PHF19: variants seen among roughly 807,000 people sequenced by gnomAD.
PHF19 encodes PHD finger protein 19, also known as polycomb like 3.
PHF19 carries 21 observed loss-of-function variants against 79.8 expected under a neutral mutation model. The observed-to-expected ratio is 0.26, with a 90% confidence interval of 0.19 to 0.38. The LOEUF (loss-of-function observed/expected upper bound fraction) is 0.38. Ranked by LOEUF, PHF19 falls within the 10% of genes least tolerant of loss-of-function variation. The pLI, the probability that PHF19 is intolerant of heterozygous loss-of-function variation, is 1.00. For missense variants in PHF19, 445 were observed against 744.2 expected (o/e 0.60, Z 4.68); for synonymous variants, 273 against 296.3 (o/e 0.92, Z 0.81).
chr9:120,876,984 C>G (rs1045981077), intron 1 of PHF19, 107 bp downstream of exon 1: 9 of 958,530 alleles, frequency 9.4e-6, no homozygotes, highest in Non-Finnish European at 1.1e-5. Flanking sequence ...GTCTCACCCC[C>G]CGGAGGCGTT....
chr9:120,874,776 GTT>G lies in PHF19; in HGVS notation c.-15-22_-15-21del, dbSNP rs1026569907. On this transcript the variant is annotated intron_variant, in intron 1 of 14. Coordinates refer to ENST00000373896, the MANE Select transcript of PHF19 (RefSeq NM_015651.3). The surrounding 1 kb of genome is among the most constrained non-coding windows in gnomAD (Gnocchi z 4.5). Reference sequence around the variant, plus strand: ...CTGACACTGGGAGAGAAAGAACAGGGTTTTTGCTTCTTGCTTCCCTGCTTCAG... The same window carrying G: ...CTGACACTGGGAGAGAAAGAACAGGGTTTGCTTCTTGCTTCCCTGCTTCAG... 5 of 1,558,814 alleles carry G rather than the reference GTT, an allele frequency of 3.2e-6. No individual in the cohort carries two copies. Among genetic ancestry groups the G allele is most frequent in the African/African-American group, 1.4e-5 (1 of 73,518 alleles).
chr9:120,876,945 C>A (rs1278087575), intron 1 of PHF19, 146 bp downstream of exon 1: 1 of 983,518 alleles, frequency 1.0e-6, no homozygotes, highest in Non-Finnish European at 1.2e-6. Context: ...ACCCCCGGTC[C>A]CCACCCCCGA....
intron 1 of PHF19, among the ~76,000 whole-genome samples, chr9:120,887,083 G>GAAAA (rs1375879143): frequency 6.0e-5 from 9 of 150,258 alleles, no homozygotes; most frequent in Admixed American, 6.0e-4. Context: ...AAAAAGAAAA[G>GAAAA]AAAAGAAAAG....
At position 120,858,222 on chromosome 9, in the gene PHF19, G is replaced by A. The variant is rs148803149; in HGVS notation, c.1465C>T (p.Arg489Trp). 55 of 1,576,376 alleles carry A rather than the reference G, an allele frequency of 3.5e-5. No homozygotes were observed. Among genetic ancestry groups the A allele is most frequent in the East Asian group, 1.8e-4 (8 of 44,150 alleles). ...CGTCCATCCAGCTCAGCTGCCCACC[G>A]CTTTGCCCGCAGGGGCATGTATGCC... ...AKAYMPLRAKRWAAELDGRCP... is the reference protein window; with the variant it reads ...AKAYMPLRAKWWAAELDGRCP... The change falls in exon 15 of 15, where the codon CGG becomes TGG. Residue 489 changes from arginine to tryptophan, a missense_variant. Physicochemically the swap from Arg to Trp is moderately radical, Grantham distance 101 (BLOSUM62 -3). This residue lies in a region of PHF19 where 125 missense variants were observed against 180.5 expected (regional missense o/e 0.69). Coordinates refer to ENST00000373896, the MANE Select transcript of PHF19 (RefSeq NM_015651.3).
In PHF19 at chr9:120,866,648, T is replaced by C. The variant is rs2045710531; in HGVS notation, c.710+222A>G. Among the ~76,000 whole-genome samples the C allele has an allele frequency of 6.6e-6, 1 of 152,178 alleles. No individual in the cohort carries two copies. On this transcript the variant is annotated intron_variant, in intron 7 of 14. Coordinates refer to ENST00000373896, the MANE Select transcript of PHF19 (RefSeq NM_015651.3). This position sits in a 1 kb window ranked among gnomAD's most constrained non-coding sequence, Gnocchi z 5.2. ...TTATCTAAGGTACTCCAGAAATCAA[T>C]GGCAACTAGGGATGTGGCCCAGCAT... is the stretch of plus-strand genomic sequence containing the variant.
intron 3 of PHF19, among the ~76,000 whole-genome samples, chr9:120,873,640 A>T (rs768994725): frequency 5.3e-5 from 8 of 152,220 alleles, no homozygotes; most frequent in Non-Finnish European, 1.2e-4. Context: ...GCCCAGACTG[A>T]CGCAGAGCTT....
rs2045562506 is a variant in PHF19, at chr9:120,862,509, G to C, written c.1130+79C>G. On this transcript the variant is annotated intron_variant, in intron 11 of 14. Coordinates refer to ENST00000373896, the MANE Select transcript of PHF19 (RefSeq NM_015651.3). This position sits in a 1 kb window ranked among gnomAD's most constrained non-coding sequence, Gnocchi z 4.6. Reference sequence around the variant, plus strand: ...GTCCTACAGCTGGGACTGGCTGGGTGCAGGTCCTCCTTGCTTGCTTGGAAG... The same window carrying C: ...GTCCTACAGCTGGGACTGGCTGGGTCCAGGTCCTCCTTGCTTGCTTGGAAG... 7.8e-7 allele frequency: 1 copy of C among 1,289,440 alleles called. No homozygotes were observed. The allele number at this position is 1,289,440 out of a possible 1,614,324, so 79.9% of individuals were successfully genotyped here.
At chr9:120,864,234 A>C (rs1212484216) in intron 9 of PHF19, 118 bp from the exon 10 acceptor site, 3 of 785,164 alleles carry the variant, frequency 3.8e-6, no homozygotes, top group East Asian at 5.4e-5. Flanking sequence ...GGTGAGGACC[A>C]CTGACTCACT....
chr9:120,874,762 A>G lies in PHF19; in HGVS notation c.-15-6T>C. 2 of 1,601,224 alleles carry G rather than the reference A, an allele frequency of 1.2e-6. No homozygotes were observed. Among genetic ancestry groups the G allele is most frequent in the South Asian group, 2.2e-5 (2 of 90,444 alleles). ...TCCATCAGCTTCCCCTGACACTGGGAGAGAAAGAACAGGGTTTTTGCTTCT... is the reference window on the plus strand; with the variant it reads ...TCCATCAGCTTCCCCTGACACTGGGGGAGAAAGAACAGGGTTTTTGCTTCT... On this transcript the variant is annotated splice_polypyrimidine_tract_variant and splice_region_variant and intron_variant, in intron 1 of 14. Coordinates refer to ENST00000373896, the MANE Select transcript of PHF19 (RefSeq NM_015651.3). This position sits in a 1 kb window ranked among gnomAD's most constrained non-coding sequence, Gnocchi z 4.5.
At chr9:120,900,009 CAG>C in the PHF19 span, among the ~76,000 whole-genome samples, 1 of 152,082 alleles carries the variant, frequency 6.6e-6, no homozygotes, top group Non-Finnish European at 1.5e-5. Context: ...TTTTTTGAGA[CAG>C]AGTCTTGCTC....
At chr9:120,882,895 A>T (rs149967634) in intron 1 of PHF19, among the ~76,000 whole-genome samples, 2 of 152,004 alleles carry the variant, frequency 1.3e-5, no homozygotes, top group Admixed American at 1.3e-4. Flanking sequence ...GGCTTTTCAC[A>T]AATATGAATA....
Position 120,891,070 on chromosome 9 carries a change from G to A in PHF19, c.42+3718C>T, listed in dbSNP as rs2046336476. ...GATTTTCCTTCCCCTTCGTCATGTGGCTGGATGGTCCTTATTCCCAAAACT... is the reference window on the plus strand; with the variant it reads ...GATTTTCCTTCCCCTTCGTCATGTGACTGGATGGTCCTTATTCCCAAAACT... On this transcript the variant is annotated intron_variant, in intron 1 of 14. Transcript: ENST00000616568. This position sits in a 1 kb window ranked among gnomAD's most constrained non-coding sequence, Gnocchi z 4.3. 6.6e-6 allele frequency among the ~76,000 whole-genome samples: 1 copy of A among 152,118 alleles called. No homozygotes were observed. Among genetic ancestry groups the A allele is most frequent in the Admixed American group, 6.5e-5 (1 of 15,276 alleles).
chr9:120,893,888 G>A (rs2131602193), intron 1 of PHF19, among the ~76,000 whole-genome samples: 1 of 152,294 alleles, frequency 6.6e-6, no homozygotes, highest in East Asian at 1.9e-4. Flanking sequence ...TGTTGCATAG[G>A]GCAGTGGTTC....
intron 13 of PHF19, 45 bp downstream of exon 13, chr9:120,861,044 C>T: frequency 9.0e-7 from 1 of 1,109,678 alleles, no homozygotes; most frequent in Non-Finnish European, 1.4e-6. Flanking sequence ...TTGGTTCCCT[C>T]CCTGTCTCCA....
chr9:120,862,969 A>C lies in PHF19; in HGVS notation c.969-220T>G. 1.8e-6 allele frequency: 1 copy of C among 556,908 alleles called. No individual in the cohort carries two copies. Among genetic ancestry groups the C allele is most frequent in the Non-Finnish European group, 3.2e-6 (1 of 309,484 alleles). The allele number at this position is 556,908 out of a possible 1,614,324, so 34.5% of individuals were successfully genotyped here. ...GCCTCCTCCCTGTGCTTCCTCCTGC[A>C]TGAGTGTGGTTCTTGCTGCTCTTCT... On this transcript the variant is annotated intron_variant, in intron 10 of 14. Transcript: ENST00000373896. This position sits in a 1 kb window ranked among gnomAD's most constrained non-coding sequence, Gnocchi z 4.6.
upstream of PHF19, among the ~76,000 whole-genome samples, chr9:120,880,540 C>T (rs955807733): frequency 6.6e-6 from 1 of 152,052 alleles, no homozygotes; most frequent in Non-Finnish European, 1.5e-5. Context: ...TGTAGTCATA[C>T]AATGGAATAA....
chr9:120,879,624 C>T (rs1024929183), upstream of PHF19, among the ~76,000 whole-genome samples: 3 of 152,156 alleles, frequency 2.0e-5, no homozygotes, highest in Non-Finnish European at 2.9e-5. Flanking sequence ...GAAGTTAAAA[C>T]ACTACAGAAC....
upstream of PHF19, among the ~76,000 whole-genome samples, chr9:120,898,896 T>G (rs1350100968): frequency 2.0e-5 from 3 of 152,172 alleles, no homozygotes; most frequent in African/African-American, 7.2e-5. Context: ...ACTCCATGAT[T>G]GTTTAAGATT....
chr9:120,864,498 C>A (rs566231289), intron 9 of PHF19, among the ~76,000 whole-genome samples: 36 of 152,108 alleles, frequency 2.4e-4, no homozygotes, highest in African/African-American at 8.4e-4. Flanking sequence ...AACTGCCCAA[C>A]AGGAAGGAAA....
Sources: gnomAD v4.1 joint callset for allele counts (sites outside exome capture counted in the v4.1 genomes callset) on GRCh38, gnomAD v4.1.1 for gene constraint, gnomAD v4.1.1 regional missense constraint, Gnocchi (gnomAD v3.1) non-coding constraint, MANE v1.5 for transcripts, NCBI Gene and HGNC (gene_info 2026-07-23, HGNC 2026-07-21) for gene names.